PRKD1: variants seen among roughly 807,000 people sequenced by gnomAD.
PRKD1 encodes the protein protein kinase D1.
A neutral mutation model predicts 95.9 loss-of-function variants in PRKD1; 63 were observed. That is an observed-to-expected ratio of 0.66 (90% CI 0.54 to 0.81). PRKD1 has a LOEUF of 0.81. PRKD1 is among the 30% of genes least tolerant of loss of function. The pLI, the probability that PRKD1 is intolerant of heterozygous loss-of-function variation, is 0.00. For missense variants in PRKD1, 1,048 were observed against 1,165.3 expected, an observed-to-expected ratio of 0.90 and a Z score of 1.47; for synonymous variants, 425 against 423.1, an observed-to-expected ratio of 1.00 and a Z score of -0.05.
At chr14:29,881,991 T>A (rs886909951) in intron 1 of PRKD1, among the ~76,000 whole-genome samples, 2 of 152,202 alleles carry the variant, frequency 1.3e-5, no homozygotes, top group Non-Finnish European at 2.9e-5. Context: ...ATTTTCTATT[T>A]CTGTGTTATT....
intron 1 of PRKD1, among the ~76,000 whole-genome samples, chr14:29,821,862 C>T (rs1890925044): frequency 6.6e-6 from 1 of 151,992 alleles, no homozygotes; most frequent in South Asian, 2.1e-4. Flanking sequence ...CCATGTGTGC[C>T]TGCACACACA....
At chr14:29,578,163 G>T in intron 17 of PRKD1, 112 bp downstream of exon 17, 1 of 810,250 alleles carries the variant, frequency 1.2e-6, no homozygotes, top group Non-Finnish European at 1.9e-6. Flanking sequence ...CAAATAAATT[G>T]ATATTAGAAT....
intron 2 of PRKD1, among the ~76,000 whole-genome samples, chr14:29,695,731 C>T (rs1884480238): frequency 6.6e-6 from 1 of 152,116 alleles, no homozygotes; most frequent in African/African-American, 2.4e-5. Context: ...TAAGGAGAGA[C>T]ATTTTTAAAC....
chr14:29,792,376 AT>A (rs1400861763), intron 1 of PRKD1, among the ~76,000 whole-genome samples: 2 of 152,094 alleles, frequency 1.3e-5, no homozygotes, highest in Non-Finnish European at 2.9e-5. Flanking sequence ...TAATACTATA[AT>A]TCTGTAGATG....
intron 13 of PRKD1, among the ~76,000 whole-genome samples, chr14:29,619,610 G>A (rs1373824373): frequency 6.6e-6 from 1 of 152,152 alleles, no homozygotes. Flanking sequence ...AGGTTAGAAA[G>A]TGATAACTGC....
chr14:29,903,248 T>C (rs575807558), intron 1 of PRKD1, among the ~76,000 whole-genome samples: 1 of 152,338 alleles, frequency 6.6e-6, no homozygotes, highest in East Asian at 1.9e-4. Flanking sequence ...AGGAGCATAC[T>C]ATCCAACCAG....
intron 2 of PRKD1, among the ~76,000 whole-genome samples, chr14:29,689,147 C>T (rs1055771305): frequency 6.6e-6 from 1 of 151,408 alleles, no homozygotes; most frequent in Non-Finnish European, 1.5e-5. Flanking sequence ...TTCTGCACAA[C>T]AAAAGAAACT....
intron 1 of PRKD1, among the ~76,000 whole-genome samples, chr14:29,920,064 GGAAA>G (rs753102475): frequency 0.015 from 1,672 of 109,552 alleles, 7 homozygotes; most frequent in African/African-American, 0.027. Context: ...AAGGAAGGAA[GGAAA>G]GAAGGAAGGA....
intron 1 of PRKD1, among the ~76,000 whole-genome samples, chr14:29,827,785 T>C (rs1594555946): frequency 6.6e-6 from 1 of 152,150 alleles, no homozygotes; most frequent in Admixed American, 6.6e-5. Context: ...AGCAATATGA[T>C]TATTTGGAGG....
intron 1 of PRKD1, among the ~76,000 whole-genome samples, chr14:29,919,220 T>C (rs1448112450): frequency 1.3e-5 from 2 of 152,238 alleles, no homozygotes; most frequent in African/African-American, 4.8e-5. Flanking sequence ...TTGCCAACAT[T>C]GCTAAGCTAC....
At chr14:29,618,566 T>C (rs1030629548) in intron 13 of PRKD1, among the ~76,000 whole-genome samples, 2 of 152,290 alleles carry the variant, frequency 1.3e-5, no homozygotes, top group Admixed American at 1.3e-4. Flanking sequence ...AATATCTACA[T>C]TAACTAACAC....
chr14:29,664,245 A>G (rs1479309776), intron 3 of PRKD1, among the ~76,000 whole-genome samples: 2 of 152,196 alleles, frequency 1.3e-5, no homozygotes, highest in Non-Finnish European at 2.9e-5. Flanking sequence ...TTTAGACAAC[A>G]CTAATTTGAA....
intron 4 of PRKD1, among the ~76,000 whole-genome samples, chr14:29,647,851 C>T (rs538471184): frequency 4.6e-5 from 7 of 152,216 alleles, no homozygotes; most frequent in East Asian, 1.9e-4. Flanking sequence ...GACTGAGCAC[C>T]GGACAAAGAA....
chr14:29,831,843 T>G (rs1891425257), intron 1 of PRKD1, among the ~76,000 whole-genome samples: 1 of 152,162 alleles, frequency 6.6e-6, no homozygotes, highest in South Asian at 2.1e-4. Flanking sequence ...ATATATAGAA[T>G]TATTTTTATT....
At chr14:29,665,537 A>C (rs1882439939) in intron 3 of PRKD1, among the ~76,000 whole-genome samples, 2 of 152,168 alleles carry the variant, frequency 1.3e-5, no homozygotes, top group South Asian at 4.1e-4. Context: ...AGTTCTATCC[A>C]AGTTGCTGCA....
chr14:29,799,500 C>T (rs1392941591), intron 1 of PRKD1, among the ~76,000 whole-genome samples: 2 of 152,326 alleles, frequency 1.3e-5, no homozygotes, highest in South Asian at 4.1e-4. Flanking sequence ...AGATTTTCTT[C>T]TAAAAGGCTG....
chr14:29,646,897 C>T (rs148106420), intron 4 of PRKD1, among the ~76,000 whole-genome samples: 147 of 152,100 alleles, frequency 9.7e-4, no homozygotes, highest in African/African-American at 3.2e-3. Flanking sequence ...CATATAGGAA[C>T]GCACATGTTT....
intron 2 of PRKD1, among the ~76,000 whole-genome samples, chr14:29,669,945 A>G (rs747697767): frequency 6.6e-6 from 1 of 152,166 alleles, no homozygotes; most frequent in Non-Finnish European, 1.5e-5. Flanking sequence ...CCATAAACAC[A>G]CATTATTGGT....
At chr14:29,783,305 T>C (rs1390927008) in intron 1 of PRKD1, among the ~76,000 whole-genome samples, 1 of 152,206 alleles carries the variant, frequency 6.6e-6, no homozygotes, top group Non-Finnish European at 1.5e-5. Context: ...TCCAGTTCCA[T>C]CCATATTGCC....
Sources: allele counts gnomAD v4.1 joint callset (sites outside exome capture counted in the v4.1 genomes callset), GRCh38; gene constraint gnomAD v4.1.1; transcripts MANE v1.5; gene names NCBI Gene and HGNC (gene_info 2026-07-23, HGNC 2026-07-21).